ST6GALNAC3: variants seen among roughly 807,000 people sequenced by gnomAD.
The protein encoded by ST6GALNAC3 is ST6 N-acetylgalactosaminide alpha-2,6-sialyltransferase 3.
A neutral mutation model predicts 32.7 loss-of-function variants in ST6GALNAC3; 25 were observed. The ratio of observed to expected loss-of-function variants is 0.76; its 90% CI spans 0.56 to 1.07. ST6GALNAC3 has a LOEUF of 1.07. Ranked by LOEUF, ST6GALNAC3 falls within the 50% of genes least tolerant of loss-of-function variation. The probability of loss-of-function intolerance (pLI) is 0.00; values close to 1 mark genes in which losing one functional copy is unlikely to be tolerated. For missense variants in ST6GALNAC3, 355 were observed against 382.4 expected (o/e 0.93, Z 0.60); for synonymous variants, 129 against 133.1 (o/e 0.97, Z 0.21).
At chr1:76,288,077 A>T (rs1451247499) in intron 1 of ST6GALNAC3, among the ~76,000 whole-genome samples, 4 of 152,158 alleles carry the variant, frequency 2.6e-5, no homozygotes, top group Non-Finnish European at 2.9e-5. Context: ...TGAGATGCTG[A>T]TTCATTATTT....
At chr1:76,446,949 C>T (rs1405988548) in intron 3 of ST6GALNAC3, among the ~76,000 whole-genome samples, 1 of 152,074 alleles carries the variant, frequency 6.6e-6, no homozygotes, top group African/African-American at 2.4e-5. Flanking sequence ...AAATTGGTAC[C>T]AGTAGAGTGG....
chr1:76,360,182 G>A (rs1214625981), intron 2 of ST6GALNAC3, among the ~76,000 whole-genome samples: 1 of 152,162 alleles, frequency 6.6e-6, no homozygotes, highest in Non-Finnish European at 1.5e-5. Flanking sequence ...CCCAGGAATA[G>A]AATGGAATAG....
At chr1:76,410,292 T>C (rs1409316312) in intron 2 of ST6GALNAC3, among the ~76,000 whole-genome samples, 1 of 152,124 alleles carries the variant, frequency 6.6e-6, no homozygotes, top group African/African-American at 2.4e-5. Flanking sequence ...GGTATTTGCA[T>C]TGGTTTTTGC....
At chr1:76,132,878 G>A (rs1327573566) in intron 1 of ST6GALNAC3, among the ~76,000 whole-genome samples, 1 of 152,152 alleles carries the variant, frequency 6.6e-6, no homozygotes, top group Non-Finnish European at 1.5e-5. Flanking sequence ...CATACAGCCA[G>A]GTGTCAATGG....
chr1:76,267,013 C>A (rs1658569193), intron 1 of ST6GALNAC3, among the ~76,000 whole-genome samples: 1 of 152,186 alleles, frequency 6.6e-6, no homozygotes, highest in African/African-American at 2.4e-5. Flanking sequence ...GCAGGCAATG[C>A]CAATGTGAAG....
intron 2 of ST6GALNAC3, among the ~76,000 whole-genome samples, chr1:76,326,954 A>G (rs1211208275): frequency 6.6e-6 from 1 of 151,978 alleles, no homozygotes; most frequent in Non-Finnish European, 1.5e-5. Flanking sequence ...CAATACTGTA[A>G]GATTTTTAAA....
At chr1:76,388,547 T>C (rs1334169495) in intron 2 of ST6GALNAC3, among the ~76,000 whole-genome samples, 1 of 152,210 alleles carries the variant, frequency 6.6e-6, no homozygotes, top group African/African-American at 2.4e-5. Context: ...CAGCCAGAGG[T>C]ATAGTTGTTA....
intron 3 of ST6GALNAC3, among the ~76,000 whole-genome samples, chr1:76,490,363 T>A (rs1262000160): frequency 6.6e-6 from 1 of 151,938 alleles, no homozygotes; most frequent in Admixed American, 6.6e-5. Context: ...AGGTTGGCCT[T>A]GGAAATTTCC....
intron 1 of ST6GALNAC3, among the ~76,000 whole-genome samples, chr1:76,179,624 CTT>C: frequency 6.6e-6 from 1 of 152,194 alleles, no homozygotes; most frequent in East Asian, 1.9e-4. Context: ...AAACCAAAGA[CTT>C]TATAGTGTCC....
chr1:76,545,406 G>A (rs574348105), intron 3 of ST6GALNAC3, among the ~76,000 whole-genome samples: 71 of 152,158 alleles, frequency 4.7e-4, no homozygotes, highest in African/African-American at 1.6e-3. Context: ...GTCATTCGTC[G>A]TAGTATTCTT....
chr1:76,594,082 C>T (rs1481857679), intron 3 of ST6GALNAC3, among the ~76,000 whole-genome samples: 1 of 152,060 alleles, frequency 6.6e-6, no homozygotes, highest in Admixed American at 6.6e-5. Flanking sequence ...TGGCTCTGAA[C>T]AGGGCTTAGG....
In ST6GALNAC3 at chr1:76,536,578, C is replaced by T. The variant is rs76282831; in HGVS notation, c.624-90874C>T. Among the ~76,000 whole-genome samples the T allele has an allele frequency of 3.1e-3, 437 of 142,366 alleles. 1 individual carries two copies. The highest frequency in any genetic ancestry group is 0.011 in the African/African-American group (418 of 38,540). 93.4% of individuals were successfully genotyped at this position (142,366 alleles called of 152,430 possible). On this transcript the variant is annotated intron_variant, in intron 3 of 4. Transcript: ENST00000328299. ...TCACTCCCCCAACATGTGGTGACCA[C>T]AGTTCGTATTACAATTCAAGATGAG...
At chr1:76,619,404 C>T (rs879656615) in intron 3 of ST6GALNAC3, among the ~76,000 whole-genome samples, 4 of 152,076 alleles carry the variant, frequency 2.6e-5, no homozygotes, top group South Asian at 2.1e-4. Flanking sequence ...TGACTTTGCT[C>T]GTGATTTGTA....
chr1:76,216,214 C>T (rs1655452852), intron 1 of ST6GALNAC3, among the ~76,000 whole-genome samples: 1 of 152,132 alleles, frequency 6.6e-6, no homozygotes, highest in Admixed American at 6.5e-5. Context: ...TTTCCCTGGA[C>T]TCCTTGTCCT....
At chr1:76,518,781 T>C (rs1557518896) in intron 3 of ST6GALNAC3, among the ~76,000 whole-genome samples, 1 of 152,122 alleles carries the variant, frequency 6.6e-6, no homozygotes, top group African/African-American at 2.4e-5. Flanking sequence ...AAGTGTCATT[T>C]AGTGGGGGCG....
chr1:76,488,443 T>C (rs1406847843), intron 3 of ST6GALNAC3, among the ~76,000 whole-genome samples: 2 of 152,180 alleles, frequency 1.3e-5, no homozygotes, highest in Non-Finnish European at 2.9e-5. Flanking sequence ...AACACTTCTC[T>C]TTATAAATTA....
chr1:76,298,230 C>T (rs567527549), intron 1 of ST6GALNAC3, among the ~76,000 whole-genome samples: 7 of 151,926 alleles, frequency 4.6e-5, no homozygotes, highest in African/African-American at 9.7e-5. Flanking sequence ...CTTCAAATAA[C>T]GTATCTTAGT....
intron 1 of ST6GALNAC3, among the ~76,000 whole-genome samples, chr1:76,130,530 CT>C (rs1467206785): frequency 6.6e-6 from 1 of 152,212 alleles, no homozygotes; most frequent in East Asian, 1.9e-4. Flanking sequence ...TGTGCTCCCT[CT>C]GGCAGGGTGG....
Position 76,109,444 on chromosome 1 carries a change from G to C in ST6GALNAC3, c.18+34560G>C, listed in dbSNP as rs1382491245. Among the ~76,000 whole-genome samples the C allele has an allele frequency of 2.0e-5, 3 of 152,212 alleles. No homozygotes were observed. In the East Asian group the frequency reaches 5.8e-4, roughly 29 times the overall value. On this transcript the variant is annotated intron_variant, in intron 1 of 4. Coordinates refer to ENST00000328299, the MANE Select transcript of ST6GALNAC3 (RefSeq NM_152996.4). ...AGCTGTGGCATATTTGGCCAAAGGGGCTCATTGTCTACAGCCTTCTGTAAG... is the reference window on the plus strand; with the variant it reads ...AGCTGTGGCATATTTGGCCAAAGGGCCTCATTGTCTACAGCCTTCTGTAAG...
Sources: gnomAD v4.1 joint callset for allele counts (sites outside exome capture counted in the v4.1 genomes callset) on GRCh38, gnomAD v4.1.1 for gene constraint, MANE v1.5 for transcripts, NCBI Gene and HGNC (gene_info 2026-07-23, HGNC 2026-07-21) for gene names.